The following DHX30 variants were observed in gnomAD, a reference collection of about 807,000 sequenced individuals.
The protein encoded by DHX30 is DExH-box helicase 30, also known as ATP-dependent RNA helicase DHX30.
A neutral mutation model predicts 116.9 loss-of-function variants in DHX30; 4 were observed. That is an observed-to-expected ratio of 0.03 (90% CI 0.02 to 0.08). The LOEUF is 0.08. Among genes scored for constraint, DHX30 ranks in the 10% least tolerant of loss-of-function variants. The pLI is 1.00. For missense variants in DHX30, 871 were observed against 1,595.1 expected (o/e 0.55, Z 7.73); for synonymous variants, 697 against 651.7 (o/e 1.07, Z -1.06).
intron 4 of DHX30, among the ~76,000 whole-genome samples, chr3:47,818,570 A>G (rs76077428): frequency 1.6e-3 from 248 of 152,274 alleles, no homozygotes; most frequent in African/African-American, 4.8e-3. Context: ...CCTGTCTCCC[A>G]TGTGGCACCT....
At chr3:47,822,591 C>T (rs1206113466) in intron 4 of DHX30, among the ~76,000 whole-genome samples, 1 of 151,896 alleles carries the variant, frequency 6.6e-6, no homozygotes, top group Non-Finnish European at 1.5e-5. Flanking sequence ...TCAAGACCAG[C>T]CTGGCCAATA....
At chr3:47,849,153 C>T in intron 18 of DHX30, 39 bp from the exon 19 acceptor site, 2 of 1,613,402 alleles carry the variant, frequency 1.2e-6, no homozygotes, top group Non-Finnish European at 1.7e-6. Context: ...CAGCCTGTGG[C>T]TAGGGGCTGT....
rs769706245 is a variant in DHX30 at position 47,848,563 on chromosome 3, T to G, written c.2575+13T>G. The G allele has an allele frequency of 3.8e-6, 4 of 1,060,886 alleles. No homozygotes were observed. The highest frequency in any genetic ancestry group is 1.9e-5 in the Admixed American group (1 of 52,852). The allele number at this position is 1,060,886 out of a possible 1,614,324, so 65.7% of individuals were successfully genotyped here. On this transcript the variant is annotated intron_variant, in intron 16 of 21. Coordinates refer to ENST00000445061, the MANE Select transcript of DHX30 (RefSeq NM_138615.3). This position sits in a 1 kb window ranked among gnomAD's most constrained non-coding sequence, Gnocchi z 9.4. The stretch of plus-strand genomic sequence containing the variant: ...CTCCAGGAGATCGGTATGTAGGGGC[T>G]GGGCTGGGCTGGGCTGGGGAGTGGC...
chr3:47,826,572 A>G (rs1017386891), intron 4 of DHX30, among the ~76,000 whole-genome samples: 2 of 151,880 alleles, frequency 1.3e-5, no homozygotes, highest in African/African-American at 2.4e-5. Flanking sequence ...CAGCCTCCCA[A>G]GTAGCTGGGA....
Position 47,846,314 on chromosome 3 carries a change from C to CA in DHX30, c.1242_1243insA (p.Gln415ThrfsTer34). The CA allele has an allele frequency of 6.2e-7, 1 of 1,614,216 alleles. No individual in the cohort carries two copies. ...TGGAAGCAGAGGAGGTACGTCTCAG[C>CA]CAGAGTCTGCTAGAACTGTGGCGGC... On this transcript the variant is annotated frameshift_variant, in exon 11 of 22. Coordinates refer to ENST00000445061, the MANE Select transcript of DHX30 (RefSeq NM_138615.3). LOFTEE classifies it high-confidence loss of function.
intron 7 of DHX30, 139 bp from the exon 8 acceptor site, chr3:47,841,478 C>T (rs561569843): frequency 9.1e-5 from 110 of 1,213,646 alleles, no homozygotes; most frequent in Admixed American, 4.0e-4. Context: ...CAGAGACGCC[C>T]GGTTTCCCAT....
intron 9 of DHX30, among the ~76,000 whole-genome samples, chr3:47,843,545 G>T (rs1207410037): frequency 6.6e-6 from 1 of 152,230 alleles, no homozygotes; most frequent in East Asian, 1.9e-4. Context: ...ATAGTATAAA[G>T]CCGGGAGGAG....
At position 47,848,248 on chromosome 3, in the gene DHX30, C is replaced by T. The variant is rs1432364539; in HGVS notation, c.2355C>T (p.Arg785=). The T allele has an allele frequency of 3.7e-6, 6 of 1,613,592 alleles. No homozygotes were observed. Among genetic ancestry groups the T allele is most frequent in the Non-Finnish European group, 5.1e-6 (6 of 1,179,962 alleles). The stretch of plus-strand genomic sequence containing the variant: ...TCCAGCGCCGGGGCCGGGCGGGCCG[C>T]TGCCAGTCCGGCTTTGCCTACCACT... ...NVIQRRGRAG[R]CQSGFAYHLF... is the part of the protein sequence containing the mutation. Residue 785 remains arginine, a synonymous_variant, in exon 15 of 22, where the codon CGC becomes CGT. Coordinates refer to ENST00000445061, the MANE Select transcript of DHX30 (RefSeq NM_138615.3). This position sits in a 1 kb window ranked among gnomAD's most constrained non-coding sequence, Gnocchi z 9.4.
chr3:47,845,832 A>C lies in DHX30; in HGVS notation c.1072A>C (p.Ile358Leu). 6.2e-7 allele frequency: 1 copy of C among 1,607,992 alleles called. No homozygotes were observed. The highest frequency in any genetic ancestry group is 1.1e-5 in the South Asian group (1 of 90,844). Residue 358 changes from isoleucine to leucine, a missense_variant, in exon 10 of 22, where the codon ATA becomes CTA. Ile to Leu is a conservative substitution (Grantham distance 5, BLOSUM62 2). Transcript: ENST00000445061. ...IQVPEPILRK[I>L]ETFLNHYPVE... The stretch of plus-strand genomic sequence containing the variant: ...GGTGCCCGAGCCCATCCTCCGCAAG[A>C]TAGAGACCTTCCTGAACCATGTAAG...
intron 3 of DHX30, chr3:47,816,951 C>A (rs1439363300): frequency 1.0e-6 from 1 of 984,606 alleles, no homozygotes; most frequent in Non-Finnish European, 1.2e-6. Flanking sequence ...CTTTTTCTTT[C>A]CTGCTGAAGA....
At chr3:47,849,827 G>A in intron 21 of DHX30, 40 bp from the exon 22 acceptor site, 1 of 1,608,866 alleles carries the variant, frequency 6.2e-7, no homozygotes, top group South Asian at 1.1e-5. Flanking sequence ...CCGGGGCCTG[G>A]CCTCACCACA....
intron 9 of DHX30, 85 bp downstream of exon 9, chr3:47,843,340 G>A: frequency 6.4e-7 from 1 of 1,563,244 alleles, no homozygotes. Flanking sequence ...CCATTTTCTA[G>A]GAAATGAAAC....
chr3:47,833,098 A>G (rs1193896233), intron 6 of DHX30, among the ~76,000 whole-genome samples: 1 of 151,672 alleles, frequency 6.6e-6, no homozygotes, highest in Non-Finnish European at 1.5e-5. Flanking sequence ...TTATTTTTTT[A>G]TTGTCTTTAT....
rs187801841 is a variant in DHX30, at chr3:47,812,717, G to A, written c.28+2006G>A. Among the ~76,000 whole-genome samples, 19 of 148,380 alleles carry A rather than the reference G, an allele frequency of 1.3e-4. No individual in the cohort carries two copies. In the East Asian group the frequency reaches 3.5e-3, roughly 28 times the overall value. On this transcript the variant is annotated intron_variant, in intron 3 of 21. Transcript: ENST00000445061. ...ACTCTGTTGTTGCCCAGGCTGGAGT[G>A]CAGTGGCACGAGCTTGGCTCACTGC...
Position 47,820,379 on chromosome 3 carries a change from G to A in DHX30, c.124+2262G>A, listed in dbSNP as rs142086200. ...GCCATGAGGACGGATGACCTGGTAG[G>A]GCAGTCGGGTGCCCACCTGGCTCCT... On this transcript the variant is annotated intron_variant, in intron 4 of 21. Transcript: ENST00000445061. 4.6e-5 allele frequency among the ~76,000 whole-genome samples: 7 copies of A among 152,214 alleles called. No individual in the cohort carries two copies. The South Asian group carries it at 6.2e-4, about 14-fold the overall frequency.
chr3:47,811,839 G>A (rs976964716), intron 3 of DHX30, among the ~76,000 whole-genome samples: 2 of 152,056 alleles, frequency 1.3e-5, no homozygotes, highest in African/African-American at 4.8e-5. Context: ...CAAGGTGGAC[G>A]GATTGCCTGA....
intron 2 of DHX30, among the ~76,000 whole-genome samples, chr3:47,806,286 G>A (rs982054712): frequency 5.9e-5 from 9 of 151,328 alleles, no homozygotes; most frequent in Non-Finnish European, 1.0e-4. Flanking sequence ...TGGGATTACA[G>A]GTGCGCACCA....
chr3:47,809,299 T>C lies in DHX30; in HGVS notation c.-27-1358T>C, dbSNP rs2035683238. On this transcript the variant is annotated intron_variant, in intron 2 of 21. Coordinates refer to ENST00000445061, the MANE Select transcript of DHX30 (RefSeq NM_138615.3). ...CTCTGTCGCCCAGGCTGGAGTGCAG[T>C]GGCACAATCTTGGCTCACTGCAAGC... 3.2e-5 allele frequency among the ~76,000 whole-genome samples: 4 copies of C among 124,270 alleles called. No homozygotes were observed. The South Asian group carries it at 1.1e-3, about 33-fold the overall frequency. 81.5% of individuals were successfully genotyped at this position (124,270 alleles called of 152,430 possible).
intron 6 of DHX30, among the ~76,000 whole-genome samples, chr3:47,832,691 C>T (rs2036914871): frequency 6.7e-6 from 1 of 150,088 alleles, no homozygotes. Context: ...GGCTGGAGTA[C>T]AGTGGCGCAG....
Sources: gnomAD v4.1 joint callset for allele counts (sites outside exome capture counted in the v4.1 genomes callset) on GRCh38, gnomAD v4.1.1 for gene constraint, Gnocchi (gnomAD v3.1) non-coding constraint, MANE v1.5 for transcripts, NCBI Gene and HGNC (gene_info 2026-07-23, HGNC 2026-07-21) for gene names.